The following CAMK1D variants were observed in gnomAD, a reference collection of about 807,000 sequenced individuals.
CAMK1D encodes calcium/calmodulin-dependent protein kinase type 1D.
In CAMK1D, 9 loss-of-function variants were observed where a neutral mutation model predicts 47.7. The observed-to-expected ratio is 0.19, with a 90% confidence interval of 0.11 to 0.33. The LOEUF (loss-of-function observed/expected upper bound fraction) is 0.33, where lower values mean the gene tolerates loss of function less well. Ranked by LOEUF, CAMK1D falls within the 10% of genes least tolerant of loss-of-function variation. CAMK1D has a pLI of 1.00. For synonymous variants in CAMK1D, 184 were observed against 184.9 expected, an observed-to-expected ratio of 0.99 and a Z score of 0.04; for missense variants, 291 against 488.7, an observed-to-expected ratio of 0.60 and a Z score of 3.81.
chr10:12,431,672 C>T (rs1012024464), intron 1 of CAMK1D, among the ~76,000 whole-genome samples: 17 of 152,176 alleles, frequency 1.1e-4, no homozygotes, highest in Admixed American at 7.2e-4. Flanking sequence ...TGGGGGCGTC[C>T]GTTCCCTGCT....
chr10:12,559,441 G>A (rs1289352513), intron 2 of CAMK1D, among the ~76,000 whole-genome samples: 1 of 152,122 alleles, frequency 6.6e-6, no homozygotes, highest in Non-Finnish European at 1.5e-5. Flanking sequence ...TAATCAGTGT[G>A]ATGTCAGAAC....
chr10:12,660,451 T>C (rs752548553), intron 2 of CAMK1D, among the ~76,000 whole-genome samples: 6 of 152,204 alleles, frequency 3.9e-5, no homozygotes, highest in African/African-American at 4.8e-5. Flanking sequence ...ACGGGGCCTG[T>C]TTGTACATTT....
intron 1 of CAMK1D, among the ~76,000 whole-genome samples, chr10:12,403,579 T>G (rs1022817629): frequency 1.3e-5 from 2 of 152,226 alleles, no homozygotes; most frequent in Non-Finnish European, 2.9e-5. Context: ...AAATCTGGGA[T>G]GCAGAATTGG....
Position 12,684,496 on chromosome 10 carries a change from A to T in CAMK1D, c.299+17686A>T, listed in dbSNP as rs189516563. ...GCTCCTCAAAGAAGATAACTAATTT[A>T]AAAAAAAATGTATTCCTCAATATAG... is the stretch of plus-strand genomic sequence containing the variant. On this transcript the variant is annotated intron_variant, in intron 3 of 10. Transcript: ENST00000619168. Among the ~76,000 whole-genome samples the T allele has an allele frequency of 1.4e-3, 200 of 145,626 alleles. 2 individuals are homozygous for T. The East Asian group carries it at 0.018, about 13-fold the overall frequency.
intron 2 of CAMK1D, among the ~76,000 whole-genome samples, chr10:12,625,043 A>G (rs1839166053): frequency 6.6e-6 from 1 of 150,452 alleles, no homozygotes; most frequent in South Asian, 2.1e-4. Context: ...TTCTTTCGAA[A>G]CAGAGTTACC....
At position 12,721,544 on chromosome 10, in the gene CAMK1D, C is replaced by CCA. The variant is rs1319147770; in HGVS notation, c.300-39404_300-39403insCA. 1.4e-3 allele frequency among the ~76,000 whole-genome samples: 214 copies of CCA among 150,662 alleles called. 1 individual carries two copies. Among genetic ancestry groups the CCA allele is most frequent in the African/African-American group, 3.1e-3 (127 of 41,076 alleles). On this transcript the variant is annotated intron_variant, in intron 3 of 10. Transcript: ENST00000619168. ...TCCATCCATCCATCCATCCATCCAT[C>CCA]TATCCATCCATCCAAAAAATATTTA...
intron 1 of CAMK1D, among the ~76,000 whole-genome samples, chr10:12,399,462 C>T (rs1839091501): frequency 6.6e-6 from 1 of 151,868 alleles, no homozygotes; most frequent in South Asian, 2.1e-4. Flanking sequence ...TGAGATCGCA[C>T]CACTGCACTC....
intron 2 of CAMK1D, among the ~76,000 whole-genome samples, chr10:12,582,096 CT>C (rs1171047689): frequency 6.6e-6 from 1 of 152,040 alleles, no homozygotes; most frequent in African/African-American, 2.4e-5. Context: ...TAGTTTCATT[CT>C]TCTACATGTG....
intron 1 of CAMK1D, among the ~76,000 whole-genome samples, chr10:12,383,827 C>A (rs1393360803): frequency 1.3e-5 from 2 of 152,250 alleles, no homozygotes; most frequent in East Asian, 3.9e-4. Flanking sequence ...CTCTCACCAC[C>A]CCCATTCAAC....
chr10:12,675,692 T>C (rs561270025), intron 3 of CAMK1D, among the ~76,000 whole-genome samples: 2 of 152,340 alleles, frequency 1.3e-5, no homozygotes, highest in African/African-American at 2.4e-5. Flanking sequence ...TCAGATCTTA[T>C]CACGCCTTTG....
chr10:12,400,791 C>G (rs977060553), intron 1 of CAMK1D, among the ~76,000 whole-genome samples: 3 of 151,288 alleles, frequency 2.0e-5, no homozygotes, highest in Non-Finnish European at 2.9e-5. Context: ...TTTAATTCCT[C>G]TCATCCTTCA....
chr10:12,369,305 A>G (rs1837940721), intron 1 of CAMK1D, among the ~76,000 whole-genome samples: 1 of 152,224 alleles, frequency 6.6e-6, no homozygotes, highest in Non-Finnish European at 1.5e-5. Flanking sequence ...TTAAAACAAC[A>G]ACAACAAAAC....
At chr10:12,725,342 C>G (rs772722225) in intron 3 of CAMK1D, 19 of 155,906 alleles carry the variant, frequency 1.2e-4, no homozygotes, top group Non-Finnish European at 2.2e-4. Flanking sequence ...TACTTTTGCA[C>G]CAGCCTAATA....
At chr10:12,553,542 G>A (rs1363219093) in intron 2 of CAMK1D, among the ~76,000 whole-genome samples, 186 bp downstream of exon 2, 2 of 152,120 alleles carry the variant, frequency 1.3e-5, no homozygotes, top group Non-Finnish European at 2.9e-5. Context: ...GAACATTCAC[G>A]GCCATGGTTG....
intron 6 of CAMK1D, among the ~76,000 whole-genome samples, chr10:12,798,019 C>T (rs752247367): frequency 5.9e-5 from 9 of 152,176 alleles, no homozygotes; most frequent in Non-Finnish European, 1.2e-4. Context: ...CCGGTGACCT[C>T]AGGCCGTGTG....
intron 1 of CAMK1D, among the ~76,000 whole-genome samples, chr10:12,435,274 A>T (rs375320225): frequency 6.6e-6 from 1 of 151,102 alleles, no homozygotes; most frequent in Non-Finnish European, 1.5e-5. Context: ...CAGGAGGCCA[A>T]TTGCAGTCCC....
intron 2 of CAMK1D, among the ~76,000 whole-genome samples, chr10:12,571,893 C>A (rs1176791940): frequency 7.1e-6 from 1 of 140,108 alleles, no homozygotes; most frequent in Non-Finnish European, 1.6e-5. Context: ...TATTCCCTTC[C>A]CTCTAAAACA....
At chr10:12,565,446 G>T (rs757658974) in intron 2 of CAMK1D, among the ~76,000 whole-genome samples, 2 of 152,056 alleles carry the variant, frequency 1.3e-5, no homozygotes, top group Non-Finnish European at 1.5e-5. Flanking sequence ...TAGAGACGGG[G>T]TTTCACCATG....
At chr10:12,681,319 A>G (rs935772543) in intron 3 of CAMK1D, among the ~76,000 whole-genome samples, 1 of 152,166 alleles carries the variant, frequency 6.6e-6, no homozygotes, top group Non-Finnish European at 1.5e-5. Context: ...GCCTGCCCCA[A>G]TCCTGGGCTT....
Sources: gnomAD v4.1 joint callset for allele counts (sites outside exome capture counted in the v4.1 genomes callset) on GRCh38, gnomAD v4.1.1 for gene constraint, MANE v1.5 for transcripts, NCBI Gene and HGNC (gene_info 2026-07-23, HGNC 2026-07-21) for gene names.